The following CHRM1 variants were observed in gnomAD, a reference collection of about 807,000 sequenced individuals.
The protein encoded by CHRM1 is muscarinic acetylcholine receptor M1.
A neutral mutation model predicts 31.6 loss-of-function variants in CHRM1; 5 were observed. That is an observed-to-expected ratio of 0.16 (90% CI 0.08 to 0.33). The LOEUF is 0.33. Ranked by LOEUF, CHRM1 falls within the 10% of genes least tolerant of loss-of-function variation. CHRM1 has a pLI of 1.00. For missense variants in CHRM1, 338 were observed against 610.3 expected, an observed-to-expected ratio of 0.55 and a Z score of 4.70; for synonymous variants, 227 against 249.7, an observed-to-expected ratio of 0.91 and a Z score of 0.86.
At chr11:62,915,413 C>A (rs982240447) in intron 1 of CHRM1, among the ~76,000 whole-genome samples, 2 of 152,154 alleles carry the variant, frequency 1.3e-5, no homozygotes, top group Non-Finnish European at 2.9e-5. Flanking sequence ...CTTGCACAGC[C>A]CTTTCTCACT....
chr11:62,918,870 A>G (rs1452415876), intron 1 of CHRM1, among the ~76,000 whole-genome samples: 1 of 152,140 alleles, frequency 6.6e-6, no homozygotes, highest in East Asian at 1.9e-4. Flanking sequence ...GGCTTTTCTG[A>G]ACGTACCGCT....
At chr11:62,918,748 C>T (rs1565267154) in intron 1 of CHRM1, among the ~76,000 whole-genome samples, 1 of 152,136 alleles carries the variant, frequency 6.6e-6, no homozygotes, top group Non-Finnish European at 1.5e-5. Flanking sequence ...TCCCAGCGCC[C>T]AGGACCAATC....
intron 1 of CHRM1, among the ~76,000 whole-genome samples, chr11:62,916,376 A>G (rs1373920727): frequency 6.6e-6 from 1 of 152,204 alleles, no homozygotes; most frequent in Non-Finnish European, 1.5e-5. Flanking sequence ...AAATGTCATC[A>G]ACTCAGATTG....
chr11:62,919,568 C>T (rs2085919990), intron 1 of CHRM1, among the ~76,000 whole-genome samples: 1 of 151,982 alleles, frequency 6.6e-6, no homozygotes, highest in East Asian at 1.9e-4. Flanking sequence ...CTGCTCCTGG[C>T]TCCTTGCACT....
At chr11:62,911,895 A>G (rs186367039) in intron 1 of CHRM1, among the ~76,000 whole-genome samples, 42 of 152,296 alleles carry the variant, frequency 2.8e-4, no homozygotes, top group Non-Finnish European at 5.3e-4. Context: ...AGATAAACAG[A>G]GAGAGATGGG....
chr11:62,910,680 G>C lies in CHRM1; in HGVS notation c.421C>G (p.Arg141Gly). 1 of 1,614,128 alleles carries C rather than the reference G, an allele frequency of 6.2e-7. No homozygotes were observed. The highest frequency in any genetic ancestry group is 8.5e-7 in the Non-Finnish European group (1 of 1,180,022). The change falls in exon 2 of 2, where the codon CGG becomes GGG. Residue 141 changes from arginine (R) to glycine (G), a missense_variant. By Grantham distance (125) the Arg-to-Gly change is moderately radical. Around this residue, in one of 4 missense-constraint regions of CHRM1, gnomAD observed 85 missense variants for 257.7 expected, o/e 0.33. Coordinates refer to ENST00000306960, the MANE Select transcript of CHRM1 (RefSeq NM_000738.3). This position sits in a 1 kb window ranked among gnomAD's most constrained non-coding sequence, Gnocchi z 8.7. ...LSYRAKRTPR[R>G]AALMIGLAWL... is the part of the protein sequence containing the mutation. ...GCCAGGCCGATCATCAGAGCTGCCC[G>C]GCGGGGTGTGCGCTTGGCACGGTAG...
chr11:62,919,083 A>T lies in CHRM1; in HGVS notation c.-79+2135T>A, dbSNP rs572986223. 2.0e-4 allele frequency among the ~76,000 whole-genome samples: 30 copies of T among 152,070 alleles called. 1 individual carries two copies. The highest frequency in any genetic ancestry group is 6.8e-4 in the African/African-American group (28 of 41,464). ...CTGAGGCCTCACATATGCAATGAGG[A>T]GGGCGCTCCTTCTGGCCAGGTCTAC... On this transcript the variant is annotated intron_variant, in intron 1 of 1. Coordinates refer to ENST00000306960, the MANE Select transcript of CHRM1 (RefSeq NM_000738.3).
chr11:62,908,725 G>A lies in CHRM1; in HGVS notation c.*993C>T, dbSNP rs2085850288. 6.5e-6 allele frequency: 1 copy of A among 152,846 alleles called. No individual in the cohort carries two copies. The highest frequency in any genetic ancestry group is 1.5e-5 in the Non-Finnish European group (1 of 68,184). The allele number at this position is 152,846 out of a possible 1,614,324, so 9.5% of individuals were successfully genotyped here. ...TATTCACAGACTCAGCACTTGCTGAGGATGAAAGGAAAGAACATTTGGGGC... is the reference window on the plus strand; with the variant it reads ...TATTCACAGACTCAGCACTTGCTGAAGATGAAAGGAAAGAACATTTGGGGC... On this transcript the variant is annotated 3_prime_UTR_variant, in exon 2 of 2. Coordinates refer to ENST00000306960, the MANE Select transcript of CHRM1 (RefSeq NM_000738.3).
chr11:62,912,229 G>A (rs936946090), intron 1 of CHRM1, among the ~76,000 whole-genome samples: 2 of 152,174 alleles, frequency 1.3e-5, no homozygotes, highest in Middle Eastern at 6.8e-3. Context: ...TTAGCCGGGC[G>A]TGGTGGCACG....
At chr11:62,911,891 A>G (rs1244535757) in intron 1 of CHRM1, among the ~76,000 whole-genome samples, 1 of 152,186 alleles carries the variant, frequency 6.6e-6, no homozygotes, top group Non-Finnish European at 1.5e-5. Context: ...GAGAAGATAA[A>G]CAGAGAGAGA....
intron 1 of CHRM1, among the ~76,000 whole-genome samples, chr11:62,913,444 G>T (rs1479668103): frequency 7.2e-5 from 11 of 152,168 alleles, no homozygotes; most frequent in Non-Finnish European, 1.6e-4. Context: ...GACCGAGGCG[G>T]GTGGATCACC....
chr11:62,920,328 T>C (rs936028075), intron 1 of CHRM1, among the ~76,000 whole-genome samples: 1 of 152,168 alleles, frequency 6.6e-6, no homozygotes, highest in Admixed American at 6.5e-5. Context: ...GATGACCTAA[T>C]GAGAGCTGAC....
At chr11:62,918,040 C>G (rs927443615) in intron 1 of CHRM1, 2 of 152,266 alleles carry the variant, frequency 1.3e-5, no homozygotes, top group Non-Finnish European at 2.9e-5. Context: ...GCCTCCGAGA[C>G]CAACCTCTTG....
At chr11:62,920,782 G>A (rs1308007298) in intron 1 of CHRM1, 1 of 152,174 alleles carries the variant, frequency 6.6e-6, no homozygotes, top group Non-Finnish European at 1.5e-5. Flanking sequence ...AGGACAGGAG[G>A]TTCTGGGACT....
Position 62,911,091 on chromosome 11 carries a change from A to C in CHRM1, c.10T>G (p.Ser4Ala). The C allele has an allele frequency of 6.2e-7, 1 of 1,613,776 alleles. No individual in the cohort carries two copies. The highest frequency in any genetic ancestry group is 8.5e-7 in the Non-Finnish European group (1 of 1,179,888). The change falls in exon 2 of 2, where the codon TCA becomes GCA. Residue 4 changes from serine to alanine, a missense_variant. This residue lies in a region of CHRM1 where 85 missense variants were observed against 257.7 expected (regional missense o/e 0.33). Transcript: ENST00000306960. MNTSAPPAVSPNIT... is the reference protein window; with the variant it reads MNTAAPPAVSPNIT... The stretch of plus-strand genomic sequence containing the variant: ...TTGGGGCTGACAGCAGGTGGGGCTG[A>C]AGTGTTCATGGTGGCTAGGTGGGGC...
chr11:62,909,669 A>G lies in CHRM1; in HGVS notation c.*49T>C. 1 of 1,587,454 alleles carries G rather than the reference A, an allele frequency of 6.3e-7. No individual in the cohort carries two copies. On this transcript the variant is annotated 3_prime_UTR_variant, in exon 2 of 2. Transcript: ENST00000306960. ...AGGATGCAGCCCCTGCCCTCTTCCC[A>G]CCGGCCTTTCCCGGGGACTGGGGTG...
chr11:62,909,136 A>G lies in CHRM1; in HGVS notation c.*582T>C, dbSNP rs1225571751. On this transcript the variant is annotated 3_prime_UTR_variant, in exon 2 of 2. Coordinates refer to ENST00000306960, the MANE Select transcript of CHRM1 (RefSeq NM_000738.3). The stretch of plus-strand genomic sequence containing the variant: ...GTCATTGTCTTGCTGATGCTTGGAC[A>G]TTTGCCTTGGAGTTGACCCACCTAG... 2.6e-5 allele frequency: 4 copies of G among 153,328 alleles called. No homozygotes were observed. The highest frequency in any genetic ancestry group is 9.7e-5 in the African/African-American group (4 of 41,424). 9.5% of individuals were successfully genotyped at this position (153,328 alleles called of 1,614,324 possible).
chr11:62,916,952 C>T lies in CHRM1; in HGVS notation c.-79+4266G>A, dbSNP rs569759263. ...TGATTCTTGCCACCGTCTAGATCTTCTGCCCCCTATGACGCAGTACAAGAA... is the reference window on the plus strand; with the variant it reads ...TGATTCTTGCCACCGTCTAGATCTTTTGCCCCCTATGACGCAGTACAAGAA... On this transcript the variant is annotated intron_variant, in intron 1 of 1. Coordinates refer to ENST00000306960, the MANE Select transcript of CHRM1 (RefSeq NM_000738.3). 5 of 152,374 alleles carry T rather than the reference C, an allele frequency of 3.3e-5. No individual in the cohort carries two copies. In the East Asian group the frequency reaches 7.7e-4, roughly 23 times the overall value. The allele number at this position is 152,374 out of a possible 1,614,324, so 9.4% of individuals were successfully genotyped here. A position where few individuals can be genotyped will look rare whatever the true frequency, so the allele number is the denominator to read the frequency against.
chr11:62,919,007 GA>G (rs1275511720), intron 1 of CHRM1, among the ~76,000 whole-genome samples: 1 of 152,024 alleles, frequency 6.6e-6, no homozygotes, highest in East Asian at 1.9e-4. Flanking sequence ...AGGAAGAGGG[GA>G]TAACATTGGG....
Sources: gnomAD v4.1 joint callset for allele counts (sites outside exome capture counted in the v4.1 genomes callset) on GRCh38, gnomAD v4.1.1 for gene constraint, gnomAD v4.1.1 regional missense constraint, Gnocchi (gnomAD v3.1) non-coding constraint, MANE v1.5 for transcripts, NCBI Gene and HGNC (gene_info 2026-07-23, HGNC 2026-07-21) for gene names.